Variants in CADPS observed in about 807,000 individuals in gnomAD.
The protein encoded by CADPS is calcium dependent secretion activator, also known as calcium-dependent secretion activator 1.
In CADPS, 57 loss-of-function variants were observed where a neutral mutation model predicts 167.3. The ratio of observed to expected loss-of-function variants is 0.34; its 90% CI spans 0.28 to 0.42. The LOEUF (loss-of-function observed/expected upper bound fraction) is 0.42. CADPS is among the 20% of genes least tolerant of loss of function. The pLI is 1.00. For missense variants in CADPS, 1,414 were observed against 1,738.1 expected, an observed-to-expected ratio of 0.81 and a Z score of 3.32; for synonymous variants, 676 against 635.3, an observed-to-expected ratio of 1.06 and a Z score of -0.96.
chr3:62,650,906 C>G lies in CADPS; in HGVS notation c.1144G>C (p.Gly382Arg), dbSNP rs1218706119. The G allele has an allele frequency of 3.1e-6, 5 of 1,614,088 alleles. No homozygotes were observed. Among genetic ancestry groups the G allele is most frequent in the Non-Finnish European group, 4.2e-6 (5 of 1,179,978 alleles). The change falls in exon 5 of 30, where the codon GGC (glycine) becomes CGC (arginine). Residue 382 changes from glycine to arginine, a missense_variant. Physicochemically the swap from Gly to Arg is moderately radical, Grantham distance 125 (BLOSUM62 -2). Transcript: ENST00000383710. The part of the protein sequence containing the change: ...RSHNASIIDM[G>R]EESENQLSKS... ...GAGAGCTGGTTCTCACTCTCCTCGC[C>G]CATGTCGATGATGGAAGCATTGTGG... is the stretch of plus-strand genomic sequence containing the variant.
rs750711541 is a variant in CADPS, at chr3:62,571,567, C to CT, written c.1578-630dup. 2.6e-3 allele frequency among the ~76,000 whole-genome samples: 368 copies of CT among 144,170 alleles called. 1 individual carries two copies. The highest frequency in any genetic ancestry group is 0.015 in the East Asian group (73 of 4,980). 94.6% of individuals were successfully genotyped at this position (144,170 alleles called of 152,430 possible). On this transcript the variant is annotated intron_variant, in intron 8 of 29. Transcript: ENST00000383710. ...TCCGGACATGTTAAGATAAATATTACTTTTTTTTTTTTTTGGGACAGAGTT... is the reference window on the plus strand; with the variant it reads ...TCCGGACATGTTAAGATAAATATTACTTTTTTTTTTTTTTTGGGACAGAGTT...
intron 1 of CADPS, among the ~76,000 whole-genome samples, chr3:62,853,302 T>C (rs997938461): frequency 6.6e-6 from 1 of 152,156 alleles, no homozygotes; most frequent in Non-Finnish European, 1.5e-5. Flanking sequence ...TTATGGCCTA[T>C]GGTCAAGAAT....
intron 11 of CADPS, among the ~76,000 whole-genome samples, chr3:62,538,385 A>C (rs1170313257): frequency 1.3e-5 from 2 of 152,070 alleles, no homozygotes; most frequent in African/African-American, 4.8e-5. Flanking sequence ...ACACTCCTGC[A>C]ATCCAGGTGA....
chr3:62,544,755 T>C lies in CADPS; in HGVS notation c.1966+5148A>G, dbSNP rs1431172284. On this transcript the variant is annotated intron_variant, in intron 11 of 29. Transcript: ENST00000383710. This position sits in a 1 kb window ranked among gnomAD's most constrained non-coding sequence, Gnocchi z 4.4. The stretch of plus-strand genomic sequence containing the variant: ...AAAGTTGTACTACAAATTCTAGACA[T>C]GAGGAAGATTTAAGGGGGAGGGAAG... 3.9e-6 allele frequency: 2 copies of C among 514,806 alleles called. No individual in the cohort carries two copies. The highest frequency in any genetic ancestry group is 2.1e-5 in the African/African-American group (1 of 48,272). The allele number at this position is 514,806 out of a possible 1,614,324, so 31.9% of individuals were successfully genotyped here.
intron 20 of CADPS, 21 bp from the exon 21 acceptor site, chr3:62,491,501 CTTG>C (rs755781047): frequency 3.7e-6 from 6 of 1,603,784 alleles, no homozygotes; most frequent in South Asian, 1.1e-5. Flanking sequence ...TAAGCAAAAG[CTTG>C]TTAAGAACCC....
intron 1 of CADPS, among the ~76,000 whole-genome samples, chr3:62,789,614 C>A (rs115355607): frequency 0.023 from 3,463 of 152,184 alleles, 60 homozygotes; most frequent in South Asian, 0.061. Context: ...GGGAGGGGTG[C>A]AGAAGCCAGC....
At chr3:62,498,270 C>G in intron 18 of CADPS, 1 of 432,038 alleles carries the variant, frequency 2.3e-6, no homozygotes, top group Non-Finnish European at 4.6e-6. Flanking sequence ...TATTATTTAA[C>G]TATACTGGCA....
chr3:62,490,756 C>T lies in CADPS; in HGVS notation c.3026+583G>A, dbSNP rs547847919. ...CATAAAGGTTTTTTTTAAAAAGGTGCATCTAAAAGGCCTAGACCAGGCAAT... is the reference window on the plus strand; with the variant it reads ...CATAAAGGTTTTTTTTAAAAAGGTGTATCTAAAAGGCCTAGACCAGGCAAT... On this transcript the variant is annotated intron_variant, in intron 21 of 29. Coordinates refer to ENST00000383710, the MANE Select transcript of CADPS (RefSeq NM_003716.4). Among the ~76,000 whole-genome samples, 14 of 152,184 alleles carry T rather than the reference C, an allele frequency of 9.2e-5. 1 individual carries two copies. In the South Asian group the frequency reaches 2.3e-3, roughly 25 times the overall value.
intron 1 of CADPS, among the ~76,000 whole-genome samples, chr3:62,798,778 C>G (rs953223148): frequency 6.6e-6 from 1 of 152,136 alleles, no homozygotes; most frequent in African/African-American, 2.4e-5. Context: ...CACAATGTTT[C>G]ACTTTGTATC....
chr3:62,711,902 C>A (rs1162215860), intron 3 of CADPS, among the ~76,000 whole-genome samples: 1 of 152,182 alleles, frequency 6.6e-6, no homozygotes, highest in African/African-American at 2.4e-5. Flanking sequence ...AAAACCAACA[C>A]AATCCTGAGT....
At chr3:62,808,592 C>A (rs1205783564) in intron 1 of CADPS, among the ~76,000 whole-genome samples, 1 of 152,106 alleles carries the variant, frequency 6.6e-6, no homozygotes, top group Non-Finnish European at 1.5e-5. Context: ...GACTCCCTGA[C>A]CTTCCTTCCC....
At chr3:62,595,137 G>C (rs1367252687) in intron 6 of CADPS, among the ~76,000 whole-genome samples, 1 of 151,990 alleles carries the variant, frequency 6.6e-6, no homozygotes, top group African/African-American at 2.4e-5. Context: ...GTTGACAAAA[G>C]AAGACCAGAA....
chr3:62,764,464 A>G (rs965034549), intron 2 of CADPS, among the ~76,000 whole-genome samples: 1 of 152,226 alleles, frequency 6.6e-6, no homozygotes, highest in Admixed American at 6.5e-5. Context: ...AATAGATCCA[A>G]ATAAAAATTT....
chr3:62,790,126 G>T (rs1175824681), intron 1 of CADPS, among the ~76,000 whole-genome samples: 2 of 152,018 alleles, frequency 1.3e-5, no homozygotes, highest in African/African-American at 4.8e-5. Flanking sequence ...TAATACTTCA[G>T]ACACTAGAAA....
At position 62,874,329 on chromosome 3, in the gene CADPS, G is replaced by A. The variant is rs1311756433; in HGVS notation, c.441+260C>T. 1.3e-5 allele frequency among the ~76,000 whole-genome samples: 2 copies of A among 152,158 alleles called. No individual in the cohort carries two copies. The highest frequency in any genetic ancestry group is 2.9e-5 in the Non-Finnish European group (2 of 68,018). On this transcript the variant is annotated intron_variant, in intron 1 of 29. Coordinates refer to ENST00000383710, the MANE Select transcript of CADPS (RefSeq NM_003716.4). This position sits in a 1 kb window ranked among gnomAD's most constrained non-coding sequence, Gnocchi z 7.1. ...GCCTGCCTCGCTCACCAACGCTCCC[G>A]GGCTGGGGGGGCTCGAGCAAGCGGC... is the stretch of plus-strand genomic sequence containing the variant.
chr3:62,853,635 A>AG (rs1305580857), intron 1 of CADPS, among the ~76,000 whole-genome samples: 34 of 150,506 alleles, frequency 2.3e-4, no homozygotes, highest in African/African-American at 5.4e-4. Context: ...AAAAAAAAAA[A>AG]AAAAGAAAAG....
chr3:62,474,119 T>C, intron 24 of CADPS, 54 bp downstream of exon 24: 4 of 1,265,714 alleles, frequency 3.2e-6, no homozygotes, highest in South Asian at 1.5e-5. Context: ...AGTTTTCTTC[T>C]ACATGATCAA....
At chr3:62,482,709 G>T (rs956850066) in intron 21 of CADPS, among the ~76,000 whole-genome samples, 1 of 152,212 alleles carries the variant, frequency 6.6e-6, no homozygotes, top group African/African-American at 2.4e-5. Context: ...AAGTGGGACA[G>T]ACACTGGGAG....
chr3:62,870,371 A>C (rs535768839), intron 1 of CADPS, among the ~76,000 whole-genome samples: 4 of 152,280 alleles, frequency 2.6e-5, no homozygotes, highest in Admixed American at 6.5e-5. Context: ...ATTGATTCAA[A>C]ACACACACAT....
Sources: gnomAD v4.1 joint callset for allele counts (sites outside exome capture counted in the v4.1 genomes callset) on GRCh38, gnomAD v4.1.1 for gene constraint, Gnocchi (gnomAD v3.1) non-coding constraint, MANE v1.5 for transcripts, NCBI Gene and HGNC (gene_info 2026-07-23, HGNC 2026-07-21) for gene names.